ANKS1B: variants seen among roughly 807,000 people sequenced by gnomAD.
The protein encoded by ANKS1B is ankyrin repeat and sterile alpha motif domain containing 1B.
ANKS1B carries 36 observed loss-of-function variants against 148.3 expected under a neutral mutation model. The ratio of observed to expected loss-of-function variants is 0.24; its 90% CI spans 0.19 to 0.32. ANKS1B has a LOEUF of 0.32. Ranked by LOEUF, ANKS1B falls within the 10% of genes least tolerant of loss-of-function variation. The pLI is 1.00. For missense variants in ANKS1B, 1,157 were observed against 1,542.6 expected (o/e 0.75, Z 4.19); for synonymous variants, 542 against 560.8 (o/e 0.97, Z 0.47).
intron 8 of ANKS1B, among the ~76,000 whole-genome samples, chr12:99,727,716 A>G (rs1327265970): frequency 1.3e-5 from 2 of 152,222 alleles, no homozygotes; most frequent in Non-Finnish European, 2.9e-5. Context: ...AGCAGGAGGC[A>G]TCACACTACC....
intron 1 of ANKS1B, among the ~76,000 whole-genome samples, chr12:99,934,618 T>C (rs2153811044): frequency 6.6e-6 from 1 of 152,256 alleles, no homozygotes; most frequent in South Asian, 2.1e-4. Context: ...ATAATGTCTG[T>C]TTTTTCATCT....
chr12:99,445,175 C>T (rs78043952), intron 10 of ANKS1B, among the ~76,000 whole-genome samples: 2,676 of 152,082 alleles, frequency 0.018, 57 homozygotes, highest in African/African-American at 0.056. Context: ...TGAGTCAATA[C>T]TGAAACACAC....
chr12:99,523,402 T>C (rs2096894341), intron 9 of ANKS1B, among the ~76,000 whole-genome samples: 1 of 152,108 alleles, frequency 6.6e-6, no homozygotes, highest in Non-Finnish European at 1.5e-5. Flanking sequence ...ATAATGCAGA[T>C]GGGGAGATGG....
intron 9 of ANKS1B, among the ~76,000 whole-genome samples, chr12:99,599,236 C>T (rs551609032): frequency 6.1e-4 from 92 of 151,960 alleles, no homozygotes; most frequent in Non-Finnish European, 1.2e-3. Context: ...CATCTGATTT[C>T]TTTGGGGGCA....
chr12:99,304,512 G>A (rs898308950), intron 12 of ANKS1B, among the ~76,000 whole-genome samples: 7 of 152,070 alleles, frequency 4.6e-5, no homozygotes, highest in African/African-American at 1.2e-4. Flanking sequence ...CTCAGAGAGC[G>A]TGAGTTAGGA....
chr12:99,663,724 G>A (rs955718580), intron 8 of ANKS1B, among the ~76,000 whole-genome samples: 1 of 152,078 alleles, frequency 6.6e-6, no homozygotes, highest in African/African-American at 2.4e-5. Flanking sequence ...AGTGCCAAAT[G>A]TATTTCACAT....
chr12:98,891,464 A>G (rs1177497039), intron 17 of ANKS1B, among the ~76,000 whole-genome samples: 1 of 152,236 alleles, frequency 6.6e-6, no homozygotes, highest in Admixed American at 6.5e-5. Context: ...TCAGATGAAC[A>G]GGAATGGTTT....
At chr12:99,338,637 C>A (rs1215948876) in intron 12 of ANKS1B, among the ~76,000 whole-genome samples, 1 of 152,136 alleles carries the variant, frequency 6.6e-6, no homozygotes, top group Non-Finnish European at 1.5e-5. Flanking sequence ...CTGGGCCATG[C>A]CAGAAGCCAG....
At chr12:99,294,339 A>G (rs1256178092) in intron 12 of ANKS1B, among the ~76,000 whole-genome samples, 1 of 152,242 alleles carries the variant, frequency 6.6e-6, no homozygotes, top group Non-Finnish European at 1.5e-5. Context: ...AGTACTATTC[A>G]GCCATAAAAA....
intron 15 of ANKS1B, among the ~76,000 whole-genome samples, chr12:99,111,740 A>G (rs1425119218): frequency 6.6e-6 from 1 of 151,846 alleles, no homozygotes; most frequent in Non-Finnish European, 1.5e-5. Flanking sequence ...AAGTGGGCTG[A>G]GTTTTCTTGT....
intron 12 of ANKS1B, among the ~76,000 whole-genome samples, chr12:99,355,534 TGCA>T (rs2091894372): frequency 6.6e-6 from 1 of 152,180 alleles, no homozygotes; most frequent in Non-Finnish European, 1.5e-5. Flanking sequence ...CTCACTGCCC[TGCA>T]AAAAGAAGCT....
At chr12:99,042,634 G>A (rs2099959822) in intron 17 of ANKS1B, among the ~76,000 whole-genome samples, 1 of 152,224 alleles carries the variant, frequency 6.6e-6, no homozygotes, top group African/African-American at 2.4e-5. Flanking sequence ...GAACTTGGAA[G>A]CTGCCCCTCC....
intron 8 of ANKS1B, among the ~76,000 whole-genome samples, chr12:99,746,041 C>T (rs1344664688): frequency 1.3e-5 from 2 of 152,024 alleles, no homozygotes; most frequent in Admixed American, 6.6e-5. Context: ...CCAGTAATAA[C>T]AAAAAGACTC....
chr12:99,255,637 A>T (rs1251526623), intron 12 of ANKS1B, among the ~76,000 whole-genome samples: 1 of 152,122 alleles, frequency 6.6e-6, no homozygotes, highest in Non-Finnish European at 1.5e-5. Flanking sequence ...TGCTGCATTC[A>T]TCACATTTGA....
chr12:99,184,308 A>G (rs2079514810), intron 14 of ANKS1B, among the ~76,000 whole-genome samples: 1 of 152,220 alleles, frequency 6.6e-6, no homozygotes. Context: ...AAGAAGTGGG[A>G]GGTCAATAGA....
At chr12:99,297,700 C>A (rs2081069864) in intron 12 of ANKS1B, among the ~76,000 whole-genome samples, 1 of 152,046 alleles carries the variant, frequency 6.6e-6, no homozygotes, top group South Asian at 2.1e-4. Context: ...CATTCAATAC[C>A]TAGGCTTCAT....
chr12:99,883,179 C>A (rs1447701866), intron 1 of ANKS1B, among the ~76,000 whole-genome samples: 3 of 152,118 alleles, frequency 2.0e-5, no homozygotes, highest in African/African-American at 7.2e-5. Context: ...AAAAACAGAG[C>A]ATTGTCTGAT....
intron 4 of ANKS1B, among the ~76,000 whole-genome samples, chr12:99,785,759 ATAAT>A (rs1478931429): frequency 6.6e-6 from 1 of 152,192 alleles, no homozygotes; most frequent in Non-Finnish European, 1.5e-5. Flanking sequence ...AGTCTATTAT[ATAAT>A]TAACCCAATC....
chr12:99,677,483 C>T (rs1314251375), intron 8 of ANKS1B, among the ~76,000 whole-genome samples: 2 of 152,050 alleles, frequency 1.3e-5, no homozygotes, highest in East Asian at 1.9e-4. Flanking sequence ...GAAACAATTT[C>T]CAAATGCTTT....
Sources: gnomAD v4.1 joint callset for allele counts (sites outside exome capture counted in the v4.1 genomes callset) on GRCh38, gnomAD v4.1.1 for gene constraint, MANE v1.5 for transcripts, NCBI Gene and HGNC (gene_info 2026-07-23, HGNC 2026-07-21) for gene names.